The following NTRK3 variants were observed in gnomAD, a reference collection of about 807,000 sequenced individuals.
The protein encoded by NTRK3 is neurotrophic receptor tyrosine kinase 3, also known as NT-3 growth factor receptor.
NTRK3 carries 24 observed loss-of-function variants against 91.7 expected under a neutral mutation model. That is an observed-to-expected ratio of 0.26 (90% CI 0.19 to 0.37). The LOEUF (loss-of-function observed/expected upper bound fraction) is 0.37. Ranked by LOEUF, NTRK3 falls within the 10% of genes least tolerant of loss-of-function variation. The pLI is 1.00. For synonymous variants in NTRK3, 483 were observed against 404.0 expected (o/e 1.20, Z -2.34); for missense variants, 880 against 1,068.9 (o/e 0.82, Z 2.46).
chr15:88,081,246 A>C (rs1252080802), intron 13 of NTRK3, among the ~76,000 whole-genome samples: 1 of 152,130 alleles, frequency 6.6e-6, no homozygotes, highest in Non-Finnish European at 1.5e-5. Context: ...GGATCCAATG[A>C]CCAGTACCTA....
chr15:88,137,986 G>C (rs989417071), intron 6 of NTRK3, among the ~76,000 whole-genome samples: 1 of 152,004 alleles, frequency 6.6e-6, no homozygotes, highest in Non-Finnish European at 1.5e-5. Flanking sequence ...AGGAGATGGA[G>C]GTTGCAGTGA....
exon 19 of NTRK3, chr15:87,864,502 T>C (rs2064610702): frequency 4.4e-6 from 1 of 229,486 alleles, no homozygotes; most frequent in Non-Finnish European, 8.6e-6. Flanking sequence ...CCTTAAATAA[T>C]CAGCCTTGTC....
intron 13 of NTRK3, among the ~76,000 whole-genome samples, chr15:88,061,104 T>C (rs1376825845): frequency 6.6e-6 from 1 of 152,190 alleles, no homozygotes; most frequent in Non-Finnish European, 1.5e-5. Context: ...GAGACCCCCT[T>C]GTTGAGCGGC....
At chr15:88,216,213 G>A (rs1791989526) in intron 3 of NTRK3, among the ~76,000 whole-genome samples, 1 of 152,176 alleles carries the variant, frequency 6.6e-6, no homozygotes, top group Non-Finnish European at 1.5e-5. Flanking sequence ...GAGGACAGGA[G>A]CAGTTGATCA....
intron 14 of NTRK3, among the ~76,000 whole-genome samples, chr15:87,941,688 G>C (rs1176698349): frequency 1.3e-5 from 2 of 152,168 alleles, no homozygotes; most frequent in South Asian, 2.1e-4. Context: ...CAAGAACGAG[G>C]GTGTGTGCAG....
chr15:87,977,727 T>C (rs72481818), intron 14 of NTRK3: 1 of 231,514 alleles, frequency 4.3e-6, no homozygotes, highest in Non-Finnish European at 8.5e-6. Flanking sequence ...TCCCAGGTGA[T>C]ACTCTGGAGG....
chr15:87,956,905 A>G (rs1056282898), intron 14 of NTRK3, among the ~76,000 whole-genome samples: 3 of 152,134 alleles, frequency 2.0e-5, no homozygotes, highest in Admixed American at 6.5e-5. Flanking sequence ...CATTTAGGGA[A>G]ACACTGTCCA....
intron 5 of NTRK3, among the ~76,000 whole-genome samples, chr15:88,153,220 T>A (rs2043556318): frequency 6.6e-6 from 1 of 152,146 alleles, no homozygotes. Flanking sequence ...ATCAAGTATC[T>A]ATCCCTTTTC....
intron 5 of NTRK3, among the ~76,000 whole-genome samples, chr15:88,166,847 T>A (rs893839122): frequency 6.6e-6 from 1 of 152,138 alleles, no homozygotes; most frequent in African/African-American, 2.4e-5. Flanking sequence ...AACAAGAAGA[T>A]GGATTACTGT....
chr15:87,906,258 T>C (rs6496454), intron 17 of NTRK3, among the ~76,000 whole-genome samples: 12,133 of 152,238 alleles, frequency 0.08, 601 homozygotes, highest in African/African-American at 0.14. Context: ...AACAAATTAA[T>C]TTACTCAAAG....
intron 6 of NTRK3, among the ~76,000 whole-genome samples, chr15:88,141,549 A>G (rs1045570108): frequency 3.9e-5 from 6 of 152,242 alleles, no homozygotes; most frequent in Non-Finnish European, 8.8e-5. Flanking sequence ...TGGTTTTCCC[A>G]GCTGCTCACT....
chr15:88,050,467 T>C (rs1258294803), intron 13 of NTRK3, among the ~76,000 whole-genome samples: 2 of 152,114 alleles, frequency 1.3e-5, no homozygotes, highest in Admixed American at 6.6e-5. Flanking sequence ...GCTAGGTAGA[T>C]TGAGTAATCA....
chr15:88,025,056 C>T (rs2077915244), intron 14 of NTRK3, among the ~76,000 whole-genome samples: 1 of 152,230 alleles, frequency 6.6e-6, no homozygotes, highest in African/African-American at 2.4e-5. Flanking sequence ...GCCACACACA[C>T]ACACACACAA....
At chr15:88,256,600 C>T in intron 1 of NTRK3, 44 bp downstream of exon 1, 2 of 477,220 alleles carry the variant, frequency 4.2e-6, no homozygotes, top group Non-Finnish European at 7.2e-6. Context: ...GGACACACCA[C>T]GCACCTGCAA....
chr15:87,942,675 C>A (rs115403947), intron 14 of NTRK3, among the ~76,000 whole-genome samples: 2 of 152,098 alleles, frequency 1.3e-5, no homozygotes, highest in Admixed American at 1.3e-4. Flanking sequence ...AGACCTGGAT[C>A]CTCCAAGAGC....
intron 17 of NTRK3, among the ~76,000 whole-genome samples, chr15:87,913,996 G>A (rs995682132): frequency 2.0e-5 from 3 of 152,224 alleles, no homozygotes; most frequent in Admixed American, 6.5e-5. Context: ...CTGGACAAGG[G>A]AGAGAGGAGG....
intron 13 of NTRK3, among the ~76,000 whole-genome samples, chr15:88,074,333 G>A (rs1052278661): frequency 3.3e-5 from 5 of 152,220 alleles, no homozygotes; most frequent in African/African-American, 1.2e-4. Context: ...CCAAAATGGT[G>A]GCCACTGGCC....
In NTRK3 at chr15:87,865,377, T is replaced by C. The variant is rs910144458; in HGVS notation, c.*11558A>G. ...TGTAAATGACAGAATACTGTGACTT[T>C]GGCATTCTGGCCTCAGGATTCATTA... On this transcript the variant is annotated 3_prime_UTR_variant, in exon 19 of 19. Transcript: ENST00000394480. 3.2e-4 allele frequency: 67 copies of C among 212,582 alleles called. No homozygotes were observed. The Middle Eastern group carries it at 5.8e-3, about 18-fold the overall frequency. The allele number at this position is 212,582 out of a possible 1,614,324, so 13.2% of individuals were successfully genotyped here. A position where few individuals can be genotyped will look rare whatever the true frequency, so the allele number is the denominator to read the frequency against.
intron 14 of NTRK3, among the ~76,000 whole-genome samples, chr15:87,987,734 C>G (rs1282157890): frequency 6.6e-6 from 1 of 151,634 alleles, no homozygotes; most frequent in African/African-American, 2.4e-5. Context: ...CTTTATGTTA[C>G]TTAAATCTGT....
Sources: gnomAD v4.1 joint callset for allele counts (sites outside exome capture counted in the v4.1 genomes callset) on GRCh38, gnomAD v4.1.1 for gene constraint, MANE v1.5 for transcripts, NCBI Gene and HGNC (gene_info 2026-07-23, HGNC 2026-07-21) for gene names.